Variants in L3MBTL4 observed in about 807,000 individuals in gnomAD.
L3MBTL4 encodes lethal(3)malignant brain tumor-like protein 4.
Under a neutral mutation model 84.5 loss-of-function variants are expected in L3MBTL4, and 70 were observed. That is an observed-to-expected ratio of 0.83 (90% CI 0.68 to 1.01). The LOEUF (loss-of-function observed/expected upper bound fraction) is 1.01. Among genes scored for constraint, L3MBTL4 ranks in the 50% least tolerant of loss-of-function variants. The pLI, the probability that L3MBTL4 is intolerant of heterozygous loss-of-function variation, is 0.00. For synonymous variants in L3MBTL4, 274 were observed against 259.8 expected, an observed-to-expected ratio of 1.05 and a Z score of -0.52; for missense variants, 715 against 754.8, an observed-to-expected ratio of 0.95 and a Z score of 0.62.
chr18:6,373,968 C>A (rs2054263790), intron 1 of L3MBTL4, among the ~76,000 whole-genome samples: 1 of 152,000 alleles, frequency 6.6e-6, no homozygotes, highest in South Asian at 2.1e-4. Flanking sequence ...ATAGCAGAAA[C>A]AAAATTTTTG....
chr18:6,271,489 G>A (rs2048866462), intron 4 of L3MBTL4, among the ~76,000 whole-genome samples: 1 of 152,210 alleles, frequency 6.6e-6, no homozygotes, highest in African/African-American at 2.4e-5. Context: ...GAAGCTGCCG[G>A]GCACCAGGCA....
intron 5 of L3MBTL4, among the ~76,000 whole-genome samples, chr18:6,262,883 A>G (rs2048467222): frequency 6.6e-6 from 1 of 152,190 alleles, no homozygotes. Context: ...ATCCAGGATT[A>G]CAAATGCTGG....
chr18:6,160,425 G>A (rs1182425367), intron 13 of L3MBTL4, among the ~76,000 whole-genome samples: 2 of 152,122 alleles, frequency 1.3e-5, no homozygotes, highest in African/African-American at 4.8e-5. Context: ...CAGAGGTCAT[G>A]GAACTCATCC....
intron 16 of L3MBTL4, among the ~76,000 whole-genome samples, chr18:6,058,159 C>T (rs1338793640): frequency 6.6e-6 from 1 of 152,172 alleles, no homozygotes; most frequent in Non-Finnish European, 1.5e-5. Flanking sequence ...ACATAAGGTG[C>T]TTGGCATTAC....
intron 3 of L3MBTL4, among the ~76,000 whole-genome samples, chr18:6,305,056 C>T (rs939265126): frequency 6.6e-6 from 1 of 152,198 alleles, no homozygotes; most frequent in African/African-American, 2.4e-5. Context: ...CTTCCAACAT[C>T]TGTACGTTCT....
intron 18 of L3MBTL4, among the ~76,000 whole-genome samples, chr18:5,956,761 G>A (rs1303600853): frequency 6.6e-6 from 1 of 152,200 alleles, no homozygotes; most frequent in Non-Finnish European, 1.5e-5. Context: ...AATGTGCAAT[G>A]TGTATATGCT....
chr18:6,360,467 A>G (rs750768575), intron 1 of L3MBTL4, among the ~76,000 whole-genome samples: 2 of 152,226 alleles, frequency 1.3e-5, no homozygotes, highest in Non-Finnish European at 2.9e-5. Flanking sequence ...CTAGGATCTT[A>G]TATATCAAAC....
chr18:6,298,492 G>T (rs999470934), intron 4 of L3MBTL4, among the ~76,000 whole-genome samples: 43 of 152,066 alleles, frequency 2.8e-4, no homozygotes, highest in African/African-American at 1.0e-3. Context: ...TTATTATGAT[G>T]TACTTTAATG....
chr18:6,102,288 T>C (rs1262355045), intron 14 of L3MBTL4, among the ~76,000 whole-genome samples: 1 of 152,192 alleles, frequency 6.6e-6, no homozygotes, highest in East Asian at 1.9e-4. Flanking sequence ...AGCAAGATTT[T>C]AAGCTTAGAC....
chr18:6,085,267 G>A (rs572513577), intron 15 of L3MBTL4, among the ~76,000 whole-genome samples: 44 of 150,758 alleles, frequency 2.9e-4, no homozygotes, highest in Non-Finnish European at 3.5e-4. Context: ...GAATGAGTTC[G>A]GTATGCCTAC....
intron 16 of L3MBTL4, among the ~76,000 whole-genome samples, chr18:6,010,559 A>G (rs2054687218): frequency 6.6e-6 from 1 of 152,150 alleles, no homozygotes; most frequent in Admixed American, 6.5e-5. Context: ...CTCCTGTATG[A>G]CAGATCTGGT....
chr18:6,209,445 C>CAAAAAAAAAAAAAAAAAAA (rs60613997), intron 12 of L3MBTL4, among the ~76,000 whole-genome samples: 3 of 114,000 alleles, frequency 2.6e-5, no homozygotes, highest in African/African-American at 9.2e-5. Flanking sequence ...ACTAAACTGG[C>CAAAAAAAAAAAAAAAAAAA]AAAAAAAAAA....
intron 13 of L3MBTL4, among the ~76,000 whole-genome samples, chr18:6,149,128 A>T (rs2144798238): frequency 6.6e-6 from 1 of 151,906 alleles, no homozygotes; most frequent in South Asian, 2.1e-4. Flanking sequence ...TACACGTGCC[A>T]TGTTGGTGTG....
At chr18:6,105,995 C>T (rs1476751610) in intron 14 of L3MBTL4, among the ~76,000 whole-genome samples, 1 of 152,084 alleles carries the variant, frequency 6.6e-6, no homozygotes, top group Non-Finnish European at 1.5e-5. Flanking sequence ...ATACATGATA[C>T]CCTGAATTAA....
At chr18:6,221,904 G>C (rs972598307) in intron 10 of L3MBTL4, among the ~76,000 whole-genome samples, 3 of 152,152 alleles carry the variant, frequency 2.0e-5, no homozygotes, top group African/African-American at 7.2e-5. Flanking sequence ...TCTGCTAGTA[G>C]GTTCTGCACA....
chr18:6,177,541 A>T (rs2044278568), intron 12 of L3MBTL4, among the ~76,000 whole-genome samples: 1 of 152,238 alleles, frequency 6.6e-6, no homozygotes, highest in Admixed American at 6.5e-5. Context: ...TATGCAGGAT[A>T]TATTATACAT....
intron 1 of L3MBTL4, among the ~76,000 whole-genome samples, chr18:6,390,779 A>G (rs1599879836): frequency 6.6e-6 from 1 of 152,200 alleles, no homozygotes; most frequent in Non-Finnish European, 1.5e-5. Flanking sequence ...TAAATCAGGA[A>G]GAAACAGAAA....
chr18:6,400,514 A>C (rs1407471257), intron 1 of L3MBTL4, among the ~76,000 whole-genome samples: 1 of 152,100 alleles, frequency 6.6e-6, no homozygotes, highest in South Asian at 2.1e-4. Flanking sequence ...GGCTCAGATG[A>C]TCCTCCCACT....
At chr18:6,290,055 G>A (rs1230064280) in intron 4 of L3MBTL4, among the ~76,000 whole-genome samples, 1 of 152,028 alleles carries the variant, frequency 6.6e-6, no homozygotes, top group African/African-American at 2.4e-5. Flanking sequence ...TGAGTGGCTG[G>A]GACCACAGAC....
Sources: gnomAD v4.1 joint callset for allele counts (sites outside exome capture counted in the v4.1 genomes callset) on GRCh38, gnomAD v4.1.1 for gene constraint, MANE v1.5 for transcripts, NCBI Gene and HGNC (gene_info 2026-07-23, HGNC 2026-07-21) for gene names.